The following ZCCHC2 variants were observed in gnomAD, a reference collection of about 807,000 sequenced individuals.
ZCCHC2 encodes zinc finger CCHC domain-containing protein 2.
A neutral mutation model predicts 103.6 loss-of-function variants in ZCCHC2; 39 were observed. The ratio of observed to expected loss-of-function variants is 0.38; its 90% confidence interval spans 0.29 to 0.49. ZCCHC2 has a LOEUF of 0.49. Among genes scored for constraint, ZCCHC2 ranks in the 20% least tolerant of loss-of-function variants. ZCCHC2 has a pLI of 0.96. For synonymous variants in ZCCHC2, 687 were observed against 608.9 expected (o/e 1.13, Z -1.89); for missense variants, 1,483 against 1,491.0 (o/e 0.99, Z 0.09).
At chr18:62,579,770 T>A (rs760378682), downstream of ZCCHC2, among the ~76,000 whole-genome samples, 5 of 152,198 alleles carry the variant, frequency 3.3e-5, no homozygotes, top group African/African-American at 7.2e-5. Context: ...CTGCCCAGGC[T>A]GGAGTGCAAT....
intron 12 of ZCCHC2, among the ~76,000 whole-genome samples, chr18:62,572,908 G>A (rs1255211074): frequency 6.6e-6 from 1 of 152,152 alleles, no homozygotes; most frequent in African/African-American, 2.4e-5. Flanking sequence ...AGTTTAGCAA[G>A]AAATACCCCA....
intron 5 of ZCCHC2, among the ~76,000 whole-genome samples, chr18:62,554,821 A>G (rs1019860885): frequency 3.3e-5 from 5 of 152,166 alleles, no homozygotes; most frequent in African/African-American, 2.4e-5. Flanking sequence ...CAGTTCTTTC[A>G]TCTCTTAATT....
rs1185589606 is a variant in ZCCHC2 at position 62,554,730 on chromosome 18, CCACTGCCTTTGGATTTTAATGTCA to C, written c.1314-1472_1314-1449del. 6.6e-5 allele frequency among the ~76,000 whole-genome samples: 10 copies of C among 152,282 alleles called. No individual in the cohort carries two copies. The East Asian group carries it at 1.7e-3, about 26-fold the overall frequency. ...CTAACATGACTGGGTGTGGGTTCCA[CCACTGCCTTTGGATTTTAATGTCA>C]GCCTTAGGTAATATGTTCAGACCTG... On this transcript the variant is annotated intron_variant, in intron 5 of 13. Transcript: ENST00000269499.
intron 7 of ZCCHC2, among the ~76,000 whole-genome samples, chr18:62,559,134 C>G (rs761738360): frequency 1.3e-5 from 2 of 152,156 alleles, no homozygotes; most frequent in Non-Finnish European, 2.9e-5. Context: ...GGAGGAGAAG[C>G]CTTTCTTGAA....
chr18:62,539,104 C>CA (rs996649612), intron 1 of ZCCHC2, among the ~76,000 whole-genome samples: 21 of 152,174 alleles, frequency 1.4e-4, no homozygotes, highest in Non-Finnish European at 8.8e-5. Context: ...ATCTAGGAGT[C>CA]AAAGTTACCC....
At chr18:62,561,686 C>T (rs550231904) in intron 8 of ZCCHC2, among the ~76,000 whole-genome samples, 2 of 152,350 alleles carry the variant, frequency 1.3e-5, no homozygotes, top group South Asian at 4.1e-4. Flanking sequence ...ATGCTGGACT[C>T]TGATTTTGAG....
chr18:62,550,292 A>T, intron 4 of ZCCHC2, 56 bp from the exon 5 acceptor site: 1 of 1,307,882 alleles, frequency 7.6e-7, no homozygotes. Flanking sequence ...AACTTGTAAC[A>T]TCTTTACCAG....
chr18:62,537,223 G>C lies in ZCCHC2; in HGVS notation c.940-2458G>C, dbSNP rs113474914. Among the ~76,000 whole-genome samples the C allele has an allele frequency of 4.7e-3, 718 of 152,114 alleles. 2 individuals carry two copies. The highest frequency in any genetic ancestry group is 0.016 in the African/African-American group (681 of 41,468). ...AGACAGGGTCTTGCCCTGTTGCCCA[G>C]GCTGAAGTGCAGTGGCGCAGTCATG... On this transcript the variant is annotated intron_variant, in intron 1 of 13. Coordinates refer to ENST00000269499, the MANE Select transcript of ZCCHC2 (RefSeq NM_017742.6).
chr18:62,527,601 T>C (rs1914491452), intron 1 of ZCCHC2, among the ~76,000 whole-genome samples: 1 of 152,166 alleles, frequency 6.6e-6, no homozygotes. Flanking sequence ...TGTACATAAA[T>C]CTCACATTCC....
In ZCCHC2 at chr18:62,523,268, C is replaced by T. The variant is rs1296982959; in HGVS notation, c.-157C>T. On this transcript the variant is annotated 5_prime_UTR_variant, in exon 1 of 14. Coordinates refer to ENST00000269499, the MANE Select transcript of ZCCHC2 (RefSeq NM_017742.6). ...GCGACCCCGCCGGCCGGCCACCGCC[C>T]CCCTCGCCGGCCGAGACCCGCCCCC... 1.6e-6 allele frequency: 1 copy of T among 641,402 alleles called. No individual in the cohort carries two copies. Among genetic ancestry groups the T allele is most frequent in the African/African-American group, 2.0e-5 (1 of 50,346 alleles). The allele number at this position is 641,402 out of a possible 1,614,324, so 39.7% of individuals were successfully genotyped here. A position where few individuals can be genotyped will look rare whatever the true frequency, so the allele number is the denominator to read the frequency against.
At chr18:62,565,858 A>G (rs1916341589) in intron 11 of ZCCHC2, among the ~76,000 whole-genome samples, 1 of 152,132 alleles carries the variant, frequency 6.6e-6, no homozygotes, top group South Asian at 2.1e-4. Context: ...ACCAGAATCT[A>G]TTTCTTAAAA....
At chr18:62,580,073 C>T (rs1221085124), downstream of ZCCHC2, among the ~76,000 whole-genome samples, 1 of 152,194 alleles carries the variant, frequency 6.6e-6, no homozygotes, top group East Asian at 1.9e-4. Context: ...CACACTGCTC[C>T]TAAATATACC....
chr18:62,553,536 C>T (rs1389912423), intron 5 of ZCCHC2, among the ~76,000 whole-genome samples: 2 of 152,032 alleles, frequency 1.3e-5, no homozygotes, highest in Non-Finnish European at 2.9e-5. Context: ...AAGCAATCCT[C>T]TCCAGGTATA....
chr18:62,545,005 AGCTGT>A, intron 4 of ZCCHC2, 132 bp downstream of exon 4: 1 of 668,950 alleles, frequency 1.5e-6, no homozygotes, highest in Non-Finnish European at 2.4e-6. Flanking sequence ...AATGAACATT[AGCTGT>A]GGAAAACGTC....
intron 11 of ZCCHC2, 120 bp downstream of exon 11, chr18:62,565,216 T>TTGATATG (rs1916306900): frequency 4.0e-6 from 3 of 740,924 alleles, no homozygotes. Context: ...TTACCTTGTG[T>TTGATATG]TGATATGTAC....
At chr18:62,550,544 C>A in intron 5 of ZCCHC2, 84 bp downstream of exon 5, 1 of 920,776 alleles carries the variant, frequency 1.1e-6, no homozygotes. Flanking sequence ...GTGGGGGAAT[C>A]ATAGAGATCC....
chr18:62,551,332 C>G (rs1915653689), intron 5 of ZCCHC2: 1 of 152,216 alleles, frequency 6.6e-6, no homozygotes. Context: ...TGGTATTGGT[C>G]TGTCCTGTTG....
At chr18:62,562,980 T>G (rs751796193) in intron 8 of ZCCHC2, 29 bp from the exon 9 acceptor site, 4 of 1,591,938 alleles carry the variant, frequency 2.5e-6, no homozygotes, top group Non-Finnish European at 3.4e-6. Context: ...GGGCAGATTT[T>G]CACACTTTCA....
Position 62,533,609 on chromosome 18 carries a change from G to A in ZCCHC2, c.940-6072G>A, listed in dbSNP as rs143408458. On this transcript the variant is annotated intron_variant, in intron 1 of 13. Transcript: ENST00000269499. ...AGGCTGGGCACAGTGGCTCAAGCCT[G>A]TAAACCCAGCACTTTGGGAGGCCAA... Among the ~76,000 whole-genome samples, 641 of 152,120 alleles carry A rather than the reference G, an allele frequency of 4.2e-3. 11 individuals carry two copies. The East Asian group carries it at 0.068, about 16-fold the overall frequency.
Sources: gnomAD v4.1 joint callset for allele counts (sites outside exome capture counted in the v4.1 genomes callset) on GRCh38, gnomAD v4.1.1 for gene constraint, MANE v1.5 for transcripts, NCBI Gene and HGNC (gene_info 2026-07-23, HGNC 2026-07-21) for gene names.